Variants in CSNK2A1 observed in about 807,000 individuals in gnomAD.
CSNK2A1 encodes the protein casein kinase 2 alpha 1, also known as casein kinase II subunit alpha.
CSNK2A1 carries 10 observed loss-of-function variants against 62.9 expected under a neutral mutation model. The observed-to-expected ratio is 0.16, with a 90% confidence interval of 0.10 to 0.27. The LOEUF (loss-of-function observed/expected upper bound fraction) is 0.27. Ranked by LOEUF, CSNK2A1 falls within the 10% of genes least tolerant of loss-of-function variation. CSNK2A1 has a pLI of 1.00. For synonymous variants in CSNK2A1, 124 were observed against 167.8 expected (o/e 0.74, Z 2.02); for missense variants, 160 against 492.0 (o/e 0.33, Z 6.38).
intron 8 of CSNK2A1, among the ~76,000 whole-genome samples, chr20:493,033 G>A (rs2018266810): frequency 6.6e-6 from 1 of 152,202 alleles, no homozygotes; most frequent in Non-Finnish European, 1.5e-5. Context: ...AGTAGGCCCT[G>A]AGGAAAAACA....
rs2017966577 is a variant in CSNK2A1 at position 482,107 on chromosome 20, G to A, written c.*1854C>T. 1 of 152,046 alleles carries A rather than the reference G, an allele frequency of 6.6e-6. No homozygotes were observed. Among genetic ancestry groups the A allele is most frequent in the Non-Finnish European group, 1.5e-5 (1 of 68,022 alleles). The allele number at this position is 152,046 out of a possible 1,614,324, so 9.4% of individuals were successfully genotyped here. ...TGATAAAGTTACTAAAGCCAAGATG[G>A]GTTACAAAGTTAGATAAGTTCATTA... On this transcript the variant is annotated 3_prime_UTR_variant, in exon 14 of 14. Coordinates refer to ENST00000217244, the MANE Select transcript of CSNK2A1 (RefSeq NM_177559.3).
intron 2 of CSNK2A1, among the ~76,000 whole-genome samples, chr20:518,849 C>T (rs1262353682): frequency 6.6e-6 from 1 of 151,684 alleles, no homozygotes; most frequent in Non-Finnish European, 1.5e-5. Context: ...GCCACCGCAC[C>T]CAGCCAATTA....
rs1203726019 is a variant in CSNK2A1 at position 478,871 on chromosome 20, G to A, written c.*5090C>T. 2 of 248,186 alleles carry A rather than the reference G, an allele frequency of 8.1e-6. No individual in the cohort carries two copies. The highest frequency in any genetic ancestry group is 1.6e-5 in the Non-Finnish European group (2 of 122,746). 15.4% of individuals were successfully genotyped at this position (248,186 alleles called of 1,614,324 possible). ...GAGCCTGGGAGGTTGAGGCTGCAGTGAGCTGTGATGGCGCTACTGCACTCT... is the reference window on the plus strand; with the variant it reads ...GAGCCTGGGAGGTTGAGGCTGCAGTAAGCTGTGATGGCGCTACTGCACTCT... On this transcript the variant is annotated 3_prime_UTR_variant, in exon 14 of 14. Coordinates refer to ENST00000217244, the MANE Select transcript of CSNK2A1 (RefSeq NM_177559.3).
At chr20:509,149 C>T (rs1489203634) in intron 2 of CSNK2A1, among the ~76,000 whole-genome samples, 4 of 152,194 alleles carry the variant, frequency 2.6e-5, no homozygotes, top group Non-Finnish European at 5.9e-5. Context: ...AAGGCTTGTT[C>T]TCATACATCA....
At chr20:492,608 A>T in intron 8 of CSNK2A1, 1 of 484,164 alleles carries the variant, frequency 2.1e-6, no homozygotes, top group South Asian at 2.8e-5. Flanking sequence ...CTGCTCAATG[A>T]CTAAAATGTC....
At chr20:490,856 T>C (rs116837991) in intron 9 of CSNK2A1, among the ~76,000 whole-genome samples, 179 of 145,678 alleles carry the variant, frequency 1.2e-3, no homozygotes, top group African/African-American at 4.0e-3. Context: ...GCTCAGCTAA[T>C]ATACATACTA....
In CSNK2A1 at chr20:477,591, A is replaced by G. The variant is rs916763335; in HGVS notation, c.*6370T>C. On this transcript the variant is annotated 3_prime_UTR_variant, in exon 14 of 14. Transcript: ENST00000217244. ...ACAGCATTGTTTCAGTTTCTATCTT[A>G]GAAAGCCCGGGAGTCTGTGTCCTAT... 1 of 152,310 alleles carries G rather than the reference A, an allele frequency of 6.6e-6. No individual in the cohort carries two copies. Among genetic ancestry groups the G allele is most frequent in the Non-Finnish European group, 1.5e-5 (1 of 68,144 alleles). 9.4% of individuals were successfully genotyped at this position (152,310 alleles called of 1,614,324 possible). A position where few individuals can be genotyped will look rare whatever the true frequency, so the allele number is the denominator to read the frequency against.
intron 1 of CSNK2A1, among the ~76,000 whole-genome samples, chr20:541,462 T>C (rs560438287): frequency 1.3e-5 from 2 of 152,232 alleles, no homozygotes; most frequent in Non-Finnish European, 2.9e-5. Flanking sequence ...TAAAGATGTA[T>C]ATATTTTACT....
intron 1 of CSNK2A1, among the ~76,000 whole-genome samples, chr20:532,616 C>A (rs1410482696): frequency 2.6e-5 from 4 of 152,062 alleles, no homozygotes; most frequent in Admixed American, 1.3e-4. Flanking sequence ...TGTGAGGGGA[C>A]CAGTATCTCA....
intron 10 of CSNK2A1, 95 bp from the exon 11 acceptor site, chr20:488,873 A>G: frequency 8.5e-7 from 1 of 1,182,736 alleles, no homozygotes; most frequent in East Asian, 2.4e-5. Flanking sequence ...ACGGGTCATC[A>G]TGTCTACAGG....
At chr20:495,610 A>G in intron 8 of CSNK2A1, 109 bp downstream of exon 8, 1 of 822,826 alleles carries the variant, frequency 1.2e-6, no homozygotes, top group South Asian at 1.6e-5. Context: ...ATATTTCTCA[A>G]CTGCCGAATA....
At chr20:497,649 TC>T in intron 7 of CSNK2A1, 71 bp downstream of exon 7, 2 of 1,311,850 alleles carry the variant, frequency 1.5e-6, no homozygotes, top group Non-Finnish European at 2.2e-6. Flanking sequence ...TGCTGGCTTT[TC>T]TACCATCAAT....
chr20:528,163 G>C (rs1335664611), intron 1 of CSNK2A1, 114 bp from the exon 2 acceptor site: 2 of 152,158 alleles, frequency 1.3e-5, no homozygotes, highest in Non-Finnish European at 2.9e-5. Context: ...TCTGATGTTG[G>C]ATATGTTATT....
chr20:497,803 C>A (rs553885063), intron 6 of CSNK2A1, 23 bp from the exon 7 acceptor site: 2 of 1,606,740 alleles, frequency 1.2e-6, no homozygotes, highest in Non-Finnish European at 1.7e-6. Flanking sequence ...AATGTTTGAG[C>A]CATGAAATAA....
intron 1 of CSNK2A1, among the ~76,000 whole-genome samples, chr20:533,897 A>G (rs2019261627): frequency 6.6e-6 from 1 of 152,240 alleles, no homozygotes; most frequent in Non-Finnish European, 1.5e-5. Context: ...GAATTCCAGT[A>G]CTGTCTCTTA....
In CSNK2A1 at chr20:533,004, T is replaced by G. The variant is rs1245717659; in HGVS notation, c.-226-4955A>C. 2.0e-5 allele frequency among the ~76,000 whole-genome samples: 3 copies of G among 152,238 alleles called. No homozygotes were observed. In the East Asian group the frequency reaches 5.8e-4, roughly 29 times the overall value. On this transcript the variant is annotated intron_variant, in intron 1 of 13. Transcript: ENST00000217244. ...TTTCCTCCACTTCATATTGATTCTC[T>G]TTTCCCATGTCAATTTAAGGTGGTA... is the stretch of plus-strand genomic sequence containing the variant.
rs6133078 is a variant in CSNK2A1, at chr20:478,792, A to C, written c.*5169T>G. On this transcript the variant is annotated 3_prime_UTR_variant, in exon 14 of 14. Coordinates refer to ENST00000217244, the MANE Select transcript of CSNK2A1 (RefSeq NM_177559.3). Reference sequence around the variant, plus strand: ...AAAAAAAAAAAAAAAAAATTAGCCAAGCATGATGGCTCGTGCCTGTAGTCC... The same window carrying C: ...AAAAAAAAAAAAAAAAAATTAGCCACGCATGATGGCTCGTGCCTGTAGTCC... The C allele has an allele frequency of 6.5e-6, 2 of 306,198 alleles. No homozygotes were observed. The highest frequency in any genetic ancestry group is 2.7e-4 in the East Asian group (2 of 7,290). 19.0% of individuals were successfully genotyped at this position (306,198 alleles called of 1,614,324 possible). A position where few individuals can be genotyped will look rare whatever the true frequency, so the allele number is the denominator to read the frequency against.
chr20:540,108 A>G (rs1600422779), intron 1 of CSNK2A1: 2 of 152,348 alleles, frequency 1.3e-5, no homozygotes, highest in Non-Finnish European at 2.9e-5. Context: ...TTTTATGAAA[A>G]GCAACACATT....
At chr20:515,932 C>T (rs938175352) in intron 2 of CSNK2A1, among the ~76,000 whole-genome samples, 1 of 152,236 alleles carries the variant, frequency 6.6e-6, no homozygotes, top group South Asian at 2.1e-4. Flanking sequence ...CCTTCCCTCT[C>T]TCTCTTTCCC....
Sources: gnomAD v4.1 joint callset for allele counts (sites outside exome capture counted in the v4.1 genomes callset) on GRCh38, gnomAD v4.1.1 for gene constraint, MANE v1.5 for transcripts, NCBI Gene and HGNC (gene_info 2026-07-23, HGNC 2026-07-21) for gene names.